SF1: variants seen among roughly 807,000 people sequenced by gnomAD.
SF1 encodes the protein branch point-binding protein.
In SF1, 7 loss-of-function variants were observed where a neutral mutation model predicts 62.5. The ratio of observed to expected loss-of-function variants is 0.11; its 90% CI spans 0.06 to 0.21. The LOEUF (loss-of-function observed/expected upper bound fraction) is 0.21, where lower values mean the gene tolerates loss of function less well. Among genes scored for constraint, SF1 ranks in the 10% least tolerant of loss-of-function variants. SF1 has a pLI of 1.00. For synonymous variants in SF1, 394 were observed against 323.6 expected (o/e 1.22, Z -2.33); for missense variants, 578 against 884.0 (o/e 0.65, Z 4.39).
intron 1 of SF1, chr11:64,777,447 C>T (rs1939484953): frequency 5.2e-6 from 5 of 967,368 alleles, no homozygotes; most frequent in African/African-American, 1.8e-5. Context: ...AATTCTCTCC[C>T]CAAAAGAGAC....
rs1939786981 is a variant in SF1 at position 64,778,485 on chromosome 11, G to T, written c.-93C>A. The T allele has an allele frequency of 1.7e-6, 2 of 1,201,640 alleles. No individual in the cohort carries two copies. The allele number at this position is 1,201,640 out of a possible 1,614,324, so 74.4% of individuals were successfully genotyped here. ...CGGGGGGAGGGGACCCGAATGCGCT[G>T]CCGGAGCGCGCGGAGCCCGTCCTCT... On this transcript the variant is annotated 5_prime_UTR_variant, in exon 1 of 13. Transcript: ENST00000377390.
Position 64,769,321 on chromosome 11 carries a change from C to T in SF1, c.681G>A (p.Lys227=). ...KAVEQIRNIL[K]QGIETPEDQN... The stretch of plus-strand genomic sequence containing the variant: ...GGTCCTCTGGAGTCTCGATACCCTG[C>T]TTCAGGATGTTTCTTATCTAGTGAA... Residue 227 remains lysine, a synonymous_variant, in exon 7 of 13, where the codon AAG becomes AAA. Transcript: ENST00000377390. The T allele has an allele frequency of 1.2e-6, 2 of 1,614,192 alleles. No homozygotes were observed. Among genetic ancestry groups the T allele is most frequent in the Non-Finnish European group, 1.7e-6 (2 of 1,180,018 alleles).
intron 12 of SF1, 34 bp downstream of exon 12, chr11:64,766,859 CCATCCCA>C: frequency 4.3e-5 from 26 of 604,364 alleles, no homozygotes; most frequent in Non-Finnish European, 6.7e-5. Flanking sequence ...AGCCCCACCC[CCATCCCA>C]CCCACCCCCA....
chr11:64,767,553 G>A lies in SF1; in HGVS notation c.1342+18C>T. The A allele has an allele frequency of 6.5e-7, 1 of 1,533,118 alleles. No homozygotes were observed. The allele number at this position is 1,533,118 out of a possible 1,614,324, so 95.0% of individuals were successfully genotyped here. ...TTATCCCAAAGCCCCCAAGGTTTCT[G>A]GTCTGACACTTACTTACCCATTGGA... is the stretch of plus-strand genomic sequence containing the variant. On this transcript the variant is annotated intron_variant, in intron 10 of 12. Transcript: ENST00000377390.
At chr11:64,774,039 C>T (rs1938734101) in intron 2 of SF1, among the ~76,000 whole-genome samples, 1 of 152,164 alleles carries the variant, frequency 6.6e-6, no homozygotes, top group African/African-American at 2.4e-5. Flanking sequence ...TTAAATAAGA[C>T]ATTTAATAAC....
At chr11:64,772,916 G>A (rs1358766543) in intron 3 of SF1, 12 of 986,810 alleles carry the variant, frequency 1.2e-5, no homozygotes, top group Non-Finnish European at 1.4e-5. Context: ...TTAACTGGCA[G>A]TGAAAGAAGT....
At chr11:64,767,154 G>A (rs778275377) in intron 11 of SF1, 38 bp downstream of exon 11, 4 of 1,613,534 alleles carry the variant, frequency 2.5e-6, no homozygotes, top group Admixed American at 1.7e-5. Context: ...ACTCACCCAA[G>A]CCTAGGTGAA....
intron 12 of SF1, 44 bp from the exon 13 acceptor site, chr11:64,766,199 C>T (rs1413370506): frequency 2.0e-6 from 3 of 1,521,022 alleles, no homozygotes; most frequent in African/African-American, 1.4e-5. Flanking sequence ...CGGGGGCACA[C>T]CGCGGCTGTC....
chr11:64,767,047 G>T lies in SF1; in HGVS notation c.1435C>A (p.Pro479Thr). Residue 479 changes from proline (P) to threonine (T), a missense_variant, in exon 12 of 13, where the codon CCG (proline) becomes ACG (threonine). Coordinates refer to ENST00000377390, the MANE Select transcript of SF1 (RefSeq NM_004630.4). ...MMPPPPMGMM[P>T]PPPPPPSGQP... Reference sequence around the variant, plus strand: ...CCACTGGGAGGCGGCGGCGGCGGCGGCATCATGCCCATAGGTGGTGGCGGC... The same window carrying T: ...CCACTGGGAGGCGGCGGCGGCGGCGTCATCATGCCCATAGGTGGTGGCGGC... 6.4e-7 allele frequency: 1 copy of T among 1,560,814 alleles called. No individual in the cohort carries two copies. The highest frequency in any genetic ancestry group is 1.2e-5 in the South Asian group (1 of 83,928).
chr11:64,771,755 CT>C (rs1938358042), intron 3 of SF1: 2 of 985,090 alleles, frequency 2.0e-6, no homozygotes, highest in African/African-American at 3.5e-5. Context: ...CATGTTTTTA[CT>C]GTGCAAGTTA....
In SF1 at chr11:64,765,687, A is replaced by G; in HGVS notation, c.*131T>C. 1 of 1,448,290 alleles carries G rather than the reference A, an allele frequency of 6.9e-7. No homozygotes were observed. The highest frequency in any genetic ancestry group is 9.1e-7 in the Non-Finnish European group (1 of 1,101,992). The allele number at this position is 1,448,290 out of a possible 1,614,324, so 89.7% of individuals were successfully genotyped here. A position where few individuals can be genotyped will look rare whatever the true frequency, so the allele number is the denominator to read the frequency against. ...TCGCTTGGCCCAGCCCAGTGCGTGC[A>G]CACACACACATGCGTGCACACACAA... On this transcript the variant is annotated 3_prime_UTR_variant, in exon 13 of 13. Transcript: ENST00000377390.
At position 64,765,567 on chromosome 11, in the gene SF1, AAG is replaced by A. The variant is rs2058589373; in HGVS notation, c.*249_*250del. On this transcript the variant is annotated 3_prime_UTR_variant, in exon 13 of 13. Coordinates refer to ENST00000377390, the MANE Select transcript of SF1 (RefSeq NM_004630.4). Reference sequence around the variant, plus strand: ...GCAAAGGGAGTTGGGTGAGGAGAGAAAGAAGACAAAGAAGACACTCGATGCTA... The same window carrying A: ...GCAAAGGGAGTTGGGTGAGGAGAGAAAAGACAAAGAAGACACTCGATGCTA... The A allele has an allele frequency of 6.4e-7, 1 of 1,553,648 alleles. No homozygotes were observed. Among genetic ancestry groups the A allele is most frequent in the Non-Finnish European group, 8.7e-7 (1 of 1,153,866 alleles).
intron 9 of SF1, 122 bp downstream of exon 9, chr11:64,767,984 G>T: frequency 2.1e-6 from 3 of 1,444,268 alleles, no homozygotes; most frequent in Non-Finnish European, 2.8e-6. Flanking sequence ...CTGAGATCCC[G>T]GAAGAACAAT....
intron 2 of SF1, among the ~76,000 whole-genome samples, chr11:64,775,709 CAGGTATATA>C (rs1352766234): frequency 6.6e-6 from 1 of 152,186 alleles, no homozygotes; most frequent in Non-Finnish European, 1.5e-5. Flanking sequence ...GACAGCTGCA[CAGGTATATA>C]AAGATAAAAC....
chr11:64,777,986 C>T (rs1450715191), intron 1 of SF1: 1 of 995,862 alleles, frequency 1.0e-6, no homozygotes, highest in Non-Finnish European at 1.2e-6. Context: ...GCCCGACTCA[C>T]CTCCTCCGCC....
At chr11:64,770,481 T>C in intron 3 of SF1, 73 bp from the exon 4 acceptor site, 1 of 1,535,230 alleles carries the variant, frequency 6.5e-7, no homozygotes, top group Non-Finnish European at 8.9e-7. Flanking sequence ...TAACAAGTCT[T>C]TCCCAGCCCC....
Position 64,767,214 on chromosome 11 carries a change from G to C in SF1, c.1380C>G (p.Val460=), listed in dbSNP as rs930606937. The C allele has an allele frequency of 6.2e-7, 1 of 1,613,984 alleles. No individual in the cohort carries two copies. The highest frequency in any genetic ancestry group is 1.3e-5 in the African/African-American group (1 of 74,908). Residue 460 remains valine, a synonymous_variant, in exon 11 of 13, where the codon GTC becomes GTG. Coordinates refer to ENST00000377390, the MANE Select transcript of SF1 (RefSeq NM_004630.4). ...YLGSTPVGSG[V]YRLHQGKGMM... ...TACCTTTTCCTTGATGCAGGCGATAGACCCCAGAGCCCACAGGCGTACTTC... is the reference window on the plus strand; with the variant it reads ...TACCTTTTCCTTGATGCAGGCGATACACCCCAGAGCCCACAGGCGTACTTC...
rs2135919273 is a variant in SF1 at position 64,769,537 on chromosome 11, T to C, written c.552A>G (p.Lys184=). ...CATCTTTGCGCCCAACCTTCCCTTC[T>C]TTCACAGACCCTTTCCCCCGGATCA... The part of the protein sequence containing the change: ...KIMIRGKGSV[K]EGKVGRKDGQ... The change falls in exon 6 of 13, where the codon AAA becomes AAG. Residue 184 remains lysine, a synonymous_variant. Coordinates refer to ENST00000377390, the MANE Select transcript of SF1 (RefSeq NM_004630.4). 1 of 1,614,180 alleles carries C rather than the reference T, an allele frequency of 6.2e-7. No homozygotes were observed. The highest frequency in any genetic ancestry group is 8.5e-7 in the Non-Finnish European group (1 of 1,180,030).
intron 9 of SF1, 123 bp from the exon 10 acceptor site, chr11:64,767,967 A>T: frequency 1.4e-6 from 2 of 1,462,384 alleles, no homozygotes; most frequent in Admixed American, 2.4e-5. Flanking sequence ...GAAGTCCCCA[A>T]ACTGGCCTGA....
Sources: gnomAD v4.1 joint callset for allele counts (sites outside exome capture counted in the v4.1 genomes callset) on GRCh38, gnomAD v4.1.1 for gene constraint, MANE v1.5 for transcripts, NCBI Gene and HGNC (gene_info 2026-07-23, HGNC 2026-07-21) for gene names.